The following TBC1D22A variants were observed in gnomAD, a reference collection of about 807,000 sequenced individuals.
TBC1D22A encodes TBC1 domain family member 22A, also known as putative GTPase activator.
TBC1D22A carries 38 observed loss-of-function variants against 60.2 expected under a neutral mutation model. The ratio of observed to expected loss-of-function variants is 0.63; its 90% CI spans 0.49 to 0.83. The LOEUF (loss-of-function observed/expected upper bound fraction) is 0.83, where lower values mean the gene tolerates loss of function less well. TBC1D22A is among the 40% of genes least tolerant of loss of function. TBC1D22A has a pLI of 0.00. For missense variants in TBC1D22A, 628 were observed against 701.0 expected, an observed-to-expected ratio of 0.90 and a Z score of 1.18; for synonymous variants, 302 against 281.7, an observed-to-expected ratio of 1.07 and a Z score of -0.72.
chr22:46,763,014 G>C (rs1464409160), intron 1 of TBC1D22A, among the ~76,000 whole-genome samples, 166 bp downstream of exon 1: 1 of 152,058 alleles, frequency 6.6e-6, no homozygotes, highest in African/African-American at 2.4e-5. Context: ...AGGTCGGAGC[G>C]TGGGGTCTGG....
chr22:46,952,912 AC>A (rs1025910358), intron 8 of TBC1D22A, among the ~76,000 whole-genome samples: 20 of 152,020 alleles, frequency 1.3e-4, no homozygotes, highest in African/African-American at 4.4e-4. Flanking sequence ...ATGGCCTTTC[AC>A]CAGGTCTGAT....
In TBC1D22A at chr22:46,939,693, C is replaced by A. The variant is rs114665366; in HGVS notation, c.1015+27505C>A. Among the ~76,000 whole-genome samples the A allele has an allele frequency of 5.9e-3, 902 of 152,250 alleles. 12 individuals carry two copies. The highest frequency in any genetic ancestry group is 0.021 in the African/African-American group (861 of 41,538). On this transcript the variant is annotated intron_variant, in intron 8 of 12. Coordinates refer to ENST00000337137, the MANE Select transcript of TBC1D22A (RefSeq NM_014346.5). ...TGACTGTCTTCGACAAAATTGTAAGCCATCAAAATTATCAAAGAGACTATG... is the reference window on the plus strand; with the variant it reads ...TGACTGTCTTCGACAAAATTGTAAGACATCAAAATTATCAAAGAGACTATG...
At chr22:47,034,731 G>A (rs1221434549) in intron 10 of TBC1D22A, among the ~76,000 whole-genome samples, 1 of 152,178 alleles carries the variant, frequency 6.6e-6, no homozygotes, top group African/African-American at 2.4e-5. Flanking sequence ...TTTGGACGAC[G>A]GAGCTCGAAC....
At chr22:46,962,438 A>G (rs73890514) in intron 8 of TBC1D22A, among the ~76,000 whole-genome samples, 4,013 of 152,322 alleles carry the variant, frequency 0.026, 149 homozygotes, top group African/African-American at 0.087. Flanking sequence ...TGTCTTTCAC[A>G]TATTTTACCA....
intron 4 of TBC1D22A, among the ~76,000 whole-genome samples, chr22:46,824,270 G>T (rs1328157828): frequency 6.6e-6 from 1 of 152,136 alleles, no homozygotes; most frequent in African/African-American, 2.4e-5. Context: ...GGGTGAAGAA[G>T]GGGCTGCTTA....
intron 12 of TBC1D22A, among the ~76,000 whole-genome samples, chr22:47,159,117 T>TAC (rs142328279): frequency 1.5e-4 from 22 of 142,478 alleles, no homozygotes; most frequent in Admixed American, 9.1e-4. Flanking sequence ...TCACCATATA[T>TAC]ACACACACAC....
intron 11 of TBC1D22A, among the ~76,000 whole-genome samples, chr22:47,069,671 G>A (rs1057021580): frequency 1.3e-5 from 2 of 148,836 alleles, no homozygotes; most frequent in Non-Finnish European, 3.0e-5. Flanking sequence ...GACGGTTCCC[G>A]GCTGTTCCCT....
intron 8 of TBC1D22A, among the ~76,000 whole-genome samples, chr22:46,938,140 G>A (rs2071767408): frequency 6.6e-6 from 1 of 152,158 alleles, no homozygotes; most frequent in South Asian, 2.1e-4. Context: ...CTCACTCACT[G>A]ACTCACCCAG....
At chr22:46,934,674 C>T (rs1415262517) in intron 8 of TBC1D22A, among the ~76,000 whole-genome samples, 7 of 152,218 alleles carry the variant, frequency 4.6e-5, no homozygotes, top group African/African-American at 7.2e-5. Context: ...TGCTCTAGCC[C>T]GGGGACACGT....
intron 4 of TBC1D22A, among the ~76,000 whole-genome samples, chr22:46,830,193 G>T (rs976327006): frequency 6.6e-6 from 1 of 152,244 alleles, no homozygotes; most frequent in African/African-American, 2.4e-5. Flanking sequence ...TGGGGACGCT[G>T]AGGCGAGTGA....
chr22:46,856,095 C>G (rs1346378340), intron 4 of TBC1D22A, among the ~76,000 whole-genome samples: 16 of 152,250 alleles, frequency 1.1e-4, no homozygotes, highest in Non-Finnish European at 1.5e-5. Context: ...GAGGTTTGTT[C>G]CGGGGGCTTC....
rs377097628 is a variant in TBC1D22A, at chr22:46,837,404, G to A, written c.637+39784G>A. 3.9e-4 allele frequency among the ~76,000 whole-genome samples: 59 copies of A among 152,280 alleles called. 1 individual carries two copies. The highest frequency in any genetic ancestry group is 1.3e-3 in the African/African-American group (56 of 41,558). On this transcript the variant is annotated intron_variant, in intron 4 of 12. Transcript: ENST00000337137. ...AATATGGACCAAATGGACCTAACAA[G>A]ATATAGACAGACCATTCCATCCAAC...
intron 8 of TBC1D22A, among the ~76,000 whole-genome samples, chr22:46,945,138 C>T (rs1345474746): frequency 6.6e-6 from 1 of 152,176 alleles, no homozygotes; most frequent in Non-Finnish European, 1.5e-5. Flanking sequence ...TTCTGGTCTC[C>T]TTGGATTTTC....
At chr22:47,100,458 C>T (rs953786527) in intron 11 of TBC1D22A, among the ~76,000 whole-genome samples, 7 of 152,056 alleles carry the variant, frequency 4.6e-5, no homozygotes, top group East Asian at 1.9e-4. Context: ...CCTCGGGGGA[C>T]GGGTGATATG....
intron 4 of TBC1D22A, among the ~76,000 whole-genome samples, chr22:46,828,272 A>G (rs2086157537): frequency 6.6e-6 from 1 of 152,252 alleles, no homozygotes; most frequent in Admixed American, 6.5e-5. Flanking sequence ...GATAAAGTTA[A>G]AAAATGGAGG....
chr22:46,908,661 C>T (rs764416078), intron 7 of TBC1D22A, among the ~76,000 whole-genome samples: 2 of 152,118 alleles, frequency 1.3e-5, no homozygotes, highest in Non-Finnish European at 1.5e-5. Context: ...CAGGCTGGTG[C>T]GGAGCGTCCC....
At chr22:47,029,460 G>C (rs1017427499) in intron 10 of TBC1D22A, among the ~76,000 whole-genome samples, 4 of 152,288 alleles carry the variant, frequency 2.6e-5, no homozygotes, top group African/African-American at 9.6e-5. Flanking sequence ...GACTGAACGG[G>C]GGCCGCCTGA....
At chr22:47,061,250 G>A (rs1025286906) in intron 11 of TBC1D22A, among the ~76,000 whole-genome samples, 5 of 152,136 alleles carry the variant, frequency 3.3e-5, no homozygotes, top group South Asian at 2.1e-4. Flanking sequence ...TGTCTTCCTC[G>A]GTGCCCTCAC....
At chr22:46,951,594 C>T (rs559035390) in intron 8 of TBC1D22A, among the ~76,000 whole-genome samples, 2 of 152,158 alleles carry the variant, frequency 1.3e-5, no homozygotes, top group African/African-American at 2.4e-5. Flanking sequence ...TTGGAGCCCT[C>T]GGAGCTTGAC....
Sources: gnomAD v4.1 joint callset for allele counts (sites outside exome capture counted in the v4.1 genomes callset) on GRCh38, gnomAD v4.1.1 for gene constraint, MANE v1.5 for transcripts, NCBI Gene and HGNC (gene_info 2026-07-23, HGNC 2026-07-21) for gene names.